Variants in AK7 observed in about 807,000 individuals in gnomAD.
The protein encoded by AK7 is ATP-AMP transphosphorylase 7.
In AK7, 78 loss-of-function variants were observed where a neutral mutation model predicts 96.6. The observed-to-expected ratio is 0.81, with a 90% confidence interval of 0.67 to 0.97. The LOEUF (loss-of-function observed/expected upper bound fraction) is 0.97, where lower values mean the gene tolerates loss of function less well. Among genes scored for constraint, AK7 ranks in the 50% least tolerant of loss-of-function variants. AK7 has a pLI of 0.00. For missense variants in AK7, 855 were observed against 887.9 expected (o/e 0.96, Z 0.47); for synonymous variants, 302 against 317.2 (o/e 0.95, Z 0.51).
chr14:96,404,363 C>T (rs1451974846), intron 2 of AK7, among the ~76,000 whole-genome samples: 3 of 152,174 alleles, frequency 2.0e-5, no homozygotes, highest in Non-Finnish European at 2.9e-5. Context: ...ATTCATCATT[C>T]ATCAGCACTT....
intron 5 of AK7, among the ~76,000 whole-genome samples, chr14:96,435,621 G>A (rs1892593892): frequency 6.6e-6 from 1 of 152,120 alleles, no homozygotes; most frequent in Non-Finnish European, 1.5e-5. Context: ...TAGAGTTGCA[G>A]TCCTTATGGC....
intron 2 of AK7, among the ~76,000 whole-genome samples, chr14:96,401,038 C>T (rs2139987015): frequency 6.6e-6 from 1 of 152,362 alleles, no homozygotes; most frequent in African/African-American, 2.4e-5. Flanking sequence ...CCTCAGCACA[C>T]CTCTCTGTCA....
chr14:96,456,312 G>T (rs545656757), intron 10 of AK7, 35 bp from the exon 11 acceptor site: 3 of 1,576,774 alleles, frequency 1.9e-6, no homozygotes, highest in Non-Finnish European at 2.6e-6. Flanking sequence ...ATCATTCAGA[G>T]CTTGCTGTAT....
At position 96,460,300 on chromosome 14, in the gene AK7, C is replaced by T. The variant is rs149731193; in HGVS notation, c.1357+2088C>T. On this transcript the variant is annotated intron_variant, in intron 12 of 17. Transcript: ENST00000267584. Reference sequence around the variant, plus strand: ...CTCCATCATCTGGTTATTGTAGTATCGCCTTCGGACTCATCTAATGCAGTT... The same window carrying T: ...CTCCATCATCTGGTTATTGTAGTATTGCCTTCGGACTCATCTAATGCAGTT... Among the ~76,000 whole-genome samples the T allele has an allele frequency of 3.8e-3, 586 of 152,298 alleles. 4 individuals are homozygous for T. Among genetic ancestry groups the T allele is most frequent in the Non-Finnish European group, 5.6e-3 (380 of 68,022 alleles).
At chr14:96,430,701 G>A (rs1031050094) in intron 5 of AK7, among the ~76,000 whole-genome samples, 3 of 151,760 alleles carry the variant, frequency 2.0e-5, no homozygotes, top group Middle Eastern at 3.2e-3. Flanking sequence ...TTTTCATATC[G>A]ATGTTCATCA....
chr14:96,438,729 T>C (rs1462128809), intron 6 of AK7, among the ~76,000 whole-genome samples: 1 of 152,112 alleles, frequency 6.6e-6, no homozygotes, highest in East Asian at 1.9e-4. Flanking sequence ...ATCCATATGA[T>C]ATAAAAGGAC....
At chr14:96,406,330 A>G (rs976025331) in intron 3 of AK7, among the ~76,000 whole-genome samples, 5 of 152,118 alleles carry the variant, frequency 3.3e-5, no homozygotes, top group East Asian at 1.9e-4. Context: ...CTTTCTTAGG[A>G]CCACCCTCTC....
At chr14:96,400,354 G>T (rs1890338253) in intron 2 of AK7, among the ~76,000 whole-genome samples, 1 of 152,072 alleles carries the variant, frequency 6.6e-6, no homozygotes, top group Non-Finnish European at 1.5e-5. Flanking sequence ...ACCACTCTTT[G>T]TATGACTTTG....
At chr14:96,418,518 G>C (rs1240481183) in intron 4 of AK7, among the ~76,000 whole-genome samples, 1 of 151,192 alleles carries the variant, frequency 6.6e-6, no homozygotes, top group African/African-American at 2.4e-5. Context: ...TTTTGTTTTT[G>C]TTTTTGTTTT....
intron 4 of AK7, among the ~76,000 whole-genome samples, chr14:96,417,705 A>C (rs183739854): frequency 6.6e-6 from 1 of 152,342 alleles, no homozygotes; most frequent in East Asian, 1.9e-4. Context: ...GTGGTTGTGC[A>C]GCTGGGGCCT....
chr14:96,441,773 C>G (rs1892974318), intron 6 of AK7, among the ~76,000 whole-genome samples: 1 of 151,794 alleles, frequency 6.6e-6, no homozygotes, highest in Non-Finnish European at 1.5e-5. Context: ...ATTTTCCTTT[C>G]ACATTACCCA....
At chr14:96,408,650 T>C (rs4900324) in intron 3 of AK7, among the ~76,000 whole-genome samples, 197 bp from the exon 4 acceptor site, 130,408 of 152,188 alleles carry the variant, frequency 0.86, 56,039 homozygotes, top group East Asian at 0.96. Flanking sequence ...AACAACCTGC[T>C]GGGATCCGTA....
chr14:96,420,084 TCGAACTCCAGACGTCAGGTAATC>T (rs1432315526), intron 4 of AK7, among the ~76,000 whole-genome samples: 1 of 151,898 alleles, frequency 6.6e-6, no homozygotes, highest in African/African-American at 2.4e-5. Context: ...CAGGCTGGTC[TCGAACTCCAGACGTCAGGTAATC>T]CGCCCACCTT....
At chr14:96,453,920 G>T (rs564584803) in intron 10 of AK7, among the ~76,000 whole-genome samples, 3 of 152,180 alleles carry the variant, frequency 2.0e-5, no homozygotes, top group Non-Finnish European at 2.9e-5. Flanking sequence ...CAGGGGCCCA[G>T]CCCTGCTCGT....
intron 5 of AK7, among the ~76,000 whole-genome samples, chr14:96,421,163 G>A (rs1439237253): frequency 7.2e-5 from 11 of 152,150 alleles, no homozygotes; most frequent in Non-Finnish European, 1.6e-4. Flanking sequence ...TGTCTGAAAA[G>A]CTGTTTGGCC....
intron 12 of AK7, among the ~76,000 whole-genome samples, chr14:96,463,976 A>G (rs1360030037): frequency 6.6e-6 from 1 of 152,084 alleles, no homozygotes; most frequent in Non-Finnish European, 1.5e-5. Flanking sequence ...TCCTGGTGCA[A>G]TGTTACCCCT....
At chr14:96,456,259 AAAGCACT>A in intron 10 of AK7, 81 bp from the exon 11 acceptor site, 4 of 931,398 alleles carry the variant, frequency 4.3e-6, no homozygotes, top group Non-Finnish European at 5.9e-6. Flanking sequence ...AAAAAAAAAA[AAAGCACT>A]CCCCTGAAAT....
At chr14:96,414,914 A>C (rs982688066) in intron 4 of AK7, among the ~76,000 whole-genome samples, 6 of 151,742 alleles carry the variant, frequency 4.0e-5, no homozygotes, top group Non-Finnish European at 8.8e-5. Flanking sequence ...CGCCATGCCC[A>C]GCTAATTTTT....
intron 5 of AK7, among the ~76,000 whole-genome samples, chr14:96,433,332 C>T (rs764944497): frequency 6.6e-6 from 1 of 152,178 alleles, no homozygotes; most frequent in Non-Finnish European, 1.5e-5. Context: ...TTGGTCTTTT[C>T]ACATAGTCCA....
Sources: allele counts gnomAD v4.1 joint callset (sites outside exome capture counted in the v4.1 genomes callset), GRCh38; gene constraint gnomAD v4.1.1; transcripts MANE v1.5; gene names NCBI Gene and HGNC (gene_info 2026-07-23, HGNC 2026-07-21).